Variants in SOX6 observed in about 807,000 individuals in gnomAD.
SOX6 encodes the protein transcription factor SOX-6.
In SOX6, 11 loss-of-function variants were observed where a neutral mutation model predicts 97.8. That is an observed-to-expected ratio of 0.11 (90% CI 0.07 to 0.19). SOX6 has a LOEUF of 0.19. Ranked by LOEUF, SOX6 falls within the 10% of genes least tolerant of loss-of-function variation. The pLI is 1.00. For missense variants in SOX6, 810 were observed against 1,039.5 expected (o/e 0.78, Z 3.04); for synonymous variants, 360 against 371.4 (o/e 0.97, Z 0.35).
chr11:16,348,284 G>A (rs968689337), intron 1 of SOX6, among the ~76,000 whole-genome samples: 4 of 152,116 alleles, frequency 2.6e-5, no homozygotes, highest in Admixed American at 6.6e-5. Flanking sequence ...AGTGTTACCT[G>A]ACAGCTTAGT....
At chr11:16,132,505 A>AGAGAAAGCAAGCAAGC (rs1554934088) in intron 6 of SOX6, among the ~76,000 whole-genome samples, 1 of 86,152 alleles carries the variant, frequency 1.2e-5, no homozygotes, top group Non-Finnish European at 2.6e-5. Context: ...AGAAAGAAAG[A>AGAGAAAGCAAGCAAGC]AAGCTTATCT....
chr11:15,989,405 T>C (rs1166454092), intron 13 of SOX6, among the ~76,000 whole-genome samples, 175 bp from the exon 14 acceptor site: 1 of 152,206 alleles, frequency 6.6e-6, no homozygotes, highest in Non-Finnish European at 1.5e-5. Context: ...TCTTCTGATG[T>C]AGCCCTCAAA....
At chr11:16,487,514 C>G (rs1860456357) in intron 4 of SOX6, among the ~76,000 whole-genome samples, 1 of 152,174 alleles carries the variant, frequency 6.6e-6, no homozygotes, top group Non-Finnish European at 1.5e-5. Context: ...GATTCCTATC[C>G]TTGCTGAGTT....
chr11:16,189,996 C>A (rs969277795), intron 4 of SOX6, among the ~76,000 whole-genome samples: 1 of 152,138 alleles, frequency 6.6e-6, no homozygotes, highest in East Asian at 1.9e-4. Flanking sequence ...TCAACTTACT[C>A]CCCTTTCTCC....
chr11:16,302,902 AGCT>A (rs1387126306), intron 3 of SOX6, among the ~76,000 whole-genome samples: 2 of 151,996 alleles, frequency 1.3e-5, no homozygotes, highest in Non-Finnish European at 2.9e-5. Context: ...AGCATTTTAT[AGCT>A]TCTTCTACTA....
At chr11:16,552,972 T>C (rs1847706373) in intron 4 of SOX6, among the ~76,000 whole-genome samples, 1 of 152,192 alleles carries the variant, frequency 6.6e-6, no homozygotes, top group East Asian at 1.9e-4. Context: ...ATTTGATAAA[T>C]AACATTATGG....
chr11:16,114,639 G>A (rs1214940601), intron 6 of SOX6, among the ~76,000 whole-genome samples: 1 of 152,146 alleles, frequency 6.6e-6, no homozygotes, highest in African/African-American at 2.4e-5. Context: ...AAATAATTCA[G>A]TTTGGCAGGC....
intron 12 of SOX6, among the ~76,000 whole-genome samples, chr11:16,032,114 G>T (rs1193529527): frequency 6.6e-6 from 1 of 152,140 alleles, no homozygotes; most frequent in African/African-American, 2.4e-5. Context: ...CTGGGCTCTA[G>T]TCACAAGCAC....
intron 4 of SOX6, among the ~76,000 whole-genome samples, chr11:16,586,603 C>T (rs999484958): frequency 6.6e-5 from 10 of 151,902 alleles, no homozygotes; most frequent in Admixed American, 1.3e-4. Context: ...ACCTACAGTC[C>T]CAGCCACTCC....
At chr11:16,308,393 C>T (rs1304146291) in intron 3 of SOX6, among the ~76,000 whole-genome samples, 1 of 152,050 alleles carries the variant, frequency 6.6e-6, no homozygotes, top group Non-Finnish European at 1.5e-5. Flanking sequence ...AGACCAACAT[C>T]CTCATTTTAT....
At chr11:16,268,772 T>G (rs1565059371) in intron 3 of SOX6, among the ~76,000 whole-genome samples, 2 of 151,194 alleles carry the variant, frequency 1.3e-5, no homozygotes, top group African/African-American at 4.8e-5. Flanking sequence ...GAGATTTTTT[T>G]GTCCTTATTT....
At chr11:16,713,616 A>G (rs1848197018) in intron 3 of SOX6, among the ~76,000 whole-genome samples, 1 of 152,226 alleles carries the variant, frequency 6.6e-6, no homozygotes, top group South Asian at 2.1e-4. Flanking sequence ...TTGAAACTAA[A>G]CAAGAAACCA....
At chr11:16,091,564 C>T (rs1848688201) in intron 9 of SOX6, among the ~76,000 whole-genome samples, 1 of 152,018 alleles carries the variant, frequency 6.6e-6, no homozygotes, top group Non-Finnish European at 1.5e-5. Flanking sequence ...TCTTTACTTT[C>T]CATTTGTAGC....
intron 3 of SOX6, among the ~76,000 whole-genome samples, chr11:16,307,168 A>C (rs142302770): frequency 6.6e-6 from 1 of 152,344 alleles, no homozygotes; most frequent in African/African-American, 2.4e-5. Context: ...ATTTTAAGCA[A>C]TGAATGTTAT....
intron 12 of SOX6, among the ~76,000 whole-genome samples, chr11:16,035,228 G>A (rs182777795): frequency 9.2e-5 from 14 of 152,298 alleles, no homozygotes; most frequent in Admixed American, 5.9e-4. Flanking sequence ...GGGGAAGAAG[G>A]TGAAGTCCGT....
At chr11:16,637,913 C>CTT (rs879508621) in intron 3 of SOX6, among the ~76,000 whole-genome samples, 2 of 137,540 alleles carry the variant, frequency 1.5e-5, no homozygotes, top group Admixed American at 7.3e-5. Flanking sequence ...GGGTCTCATT[C>CTT]TTTTTTTTTT....
intron 1 of SOX6, among the ~76,000 whole-genome samples, chr11:16,394,559 C>T (rs888654293): frequency 2.0e-5 from 3 of 152,014 alleles, no homozygotes; most frequent in South Asian, 2.1e-4. Context: ...TCCTCTCAGA[C>T]TGACTTCATT....
intron 3 of SOX6, among the ~76,000 whole-genome samples, chr11:16,633,973 T>C (rs965106857): frequency 2.0e-5 from 3 of 152,226 alleles, no homozygotes; most frequent in Non-Finnish European, 4.4e-5. Flanking sequence ...AGATTCAATC[T>C]ACAATTTCTT....
chr11:16,050,251 T>C (rs943817576), intron 10 of SOX6, among the ~76,000 whole-genome samples: 1 of 152,208 alleles, frequency 6.6e-6, no homozygotes, highest in Non-Finnish European at 1.5e-5. Flanking sequence ...CTAGGGCATT[T>C]ACAAAGAATT....
Sources: gnomAD v4.1 joint callset for allele counts (sites outside exome capture counted in the v4.1 genomes callset) on GRCh38, gnomAD v4.1.1 for gene constraint, MANE v1.5 for transcripts, NCBI Gene and HGNC (gene_info 2026-07-23, HGNC 2026-07-21) for gene names.